UNC13C: variants seen among roughly 807,000 people sequenced by gnomAD.
The protein encoded by UNC13C is unc-13 homolog C, also known as protein unc-13 homolog C.
Under a neutral mutation model 245.4 loss-of-function variants are expected in UNC13C, and 174 were observed. That is an observed-to-expected ratio of 0.71 (90% CI 0.63 to 0.80). The LOEUF (loss-of-function observed/expected upper bound fraction) is 0.80. Ranked by LOEUF, UNC13C falls within the 30% of genes least tolerant of loss-of-function variation. The probability of loss-of-function intolerance (pLI) is 0.00; values close to 1 mark genes in which losing one functional copy is unlikely to be tolerated. For missense variants in UNC13C, 2,829 were observed against 2,602.9 expected (o/e 1.09, Z -1.89); for synonymous variants, 992 against 895.1 (o/e 1.11, Z -1.93).
chr15:53,926,130 TC>T, the UNC13C span, among the ~76,000 whole-genome samples: 334 of 152,208 alleles, frequency 2.2e-3, no homozygotes, highest in Non-Finnish European at 3.8e-3. Context: ...GTTTTTTTTT[TC>T]AATGGGGTTA....
At chr15:54,002,474 G>C (rs1219299264) in intron 1 of UNC13C, among the ~76,000 whole-genome samples, 3 of 151,998 alleles carry the variant, frequency 2.0e-5, no homozygotes, top group African/African-American at 7.3e-5. Flanking sequence ...AGACAGAGTA[G>C]ACCTTAGGAG....
At chr15:54,162,967 A>G (rs2033032217) in intron 4 of UNC13C, among the ~76,000 whole-genome samples, 3 of 152,176 alleles carry the variant, frequency 2.0e-5, no homozygotes, top group Non-Finnish European at 2.9e-5. Context: ...AACTGTAGAT[A>G]AAGTTGTGCC....
chr15:54,210,237 AATATATAT>A (rs5812750), intron 4 of UNC13C, among the ~76,000 whole-genome samples: 29 of 146,192 alleles, frequency 2.0e-4, no homozygotes, highest in African/African-American at 7.2e-4. Context: ...TAACTGCATT[AATATATAT>A]ATATATATAT....
intron 24 of UNC13C, among the ~76,000 whole-genome samples, chr15:54,524,898 G>T (rs1895378865): frequency 1.3e-5 from 2 of 152,106 alleles, no homozygotes; most frequent in Non-Finnish European, 2.9e-5. Context: ...ATTTCAGATT[G>T]CTATTTACGT....
the UNC13C span, among the ~76,000 whole-genome samples, chr15:53,944,708 G>A: frequency 6.6e-6 from 1 of 152,174 alleles, no homozygotes; most frequent in African/African-American, 2.4e-5. Context: ...TTGCTATCGT[G>A]AATAGTGCTG....
chr15:54,039,880 T>A (rs1453798558), intron 2 of UNC13C, among the ~76,000 whole-genome samples: 1 of 151,590 alleles, frequency 6.6e-6, no homozygotes, highest in Admixed American at 6.6e-5. Context: ...CTGCACTGGA[T>A]GCAATGGCCT....
At chr15:53,930,229 T>G in the UNC13C span, among the ~76,000 whole-genome samples, 1 of 152,272 alleles carries the variant, frequency 6.6e-6, no homozygotes. Context: ...GGCCTCTCTC[T>G]TCCTCATAGC....
At chr15:54,336,336 A>G (rs974229096) in intron 16 of UNC13C, among the ~76,000 whole-genome samples, 4 of 151,872 alleles carry the variant, frequency 2.6e-5, no homozygotes. Context: ...TCAAGAATAC[A>G]GTAGTCTCGA....
intron 30 of UNC13C, among the ~76,000 whole-genome samples, chr15:54,613,871 A>G (rs1900260082): frequency 6.6e-6 from 1 of 152,038 alleles, no homozygotes. Context: ...ATTTGTGACC[A>G]GGGCAAAGAT....
chr15:53,917,193 G>A, the UNC13C span, among the ~76,000 whole-genome samples: 1 of 152,180 alleles, frequency 6.6e-6, no homozygotes, highest in Non-Finnish European at 1.5e-5. Flanking sequence ...ACAGCAGGGA[G>A]TGACTTTTGT....
chr15:54,180,008 A>G (rs763622298), intron 4 of UNC13C, among the ~76,000 whole-genome samples: 1 of 152,012 alleles, frequency 6.6e-6, no homozygotes, highest in Non-Finnish European at 1.5e-5. Context: ...TAAAAACTAG[A>G]ATTTTATTGA....
intron 19 of UNC13C, among the ~76,000 whole-genome samples, chr15:54,430,424 G>T (rs1036429487): frequency 6.6e-6 from 1 of 151,560 alleles, no homozygotes; most frequent in African/African-American, 2.4e-5. Context: ...TGCTTCTTTC[G>T]TATTGAATTT....
intron 24 of UNC13C, among the ~76,000 whole-genome samples, chr15:54,521,985 A>G (rs549784179): frequency 6.6e-6 from 1 of 152,326 alleles, no homozygotes; most frequent in African/African-American, 2.4e-5. Flanking sequence ...ATAAGAGAGC[A>G]TTTAGAGAGA....
chr15:53,918,459 C>T, the UNC13C span, among the ~76,000 whole-genome samples: 123 of 152,262 alleles, frequency 8.1e-4, no homozygotes, highest in African/African-American at 2.7e-3. Flanking sequence ...ATTTAACCTT[C>T]AACCTTTCAT....
chr15:54,502,204 T>A (rs954896381), intron 22 of UNC13C, among the ~76,000 whole-genome samples: 1 of 152,096 alleles, frequency 6.6e-6, no homozygotes, highest in African/African-American at 2.4e-5. Flanking sequence ...CCTTGAGGGA[T>A]GTAGTCATGA....
intron 19 of UNC13C, among the ~76,000 whole-genome samples, chr15:54,445,168 G>C (rs1394714974): frequency 6.6e-6 from 1 of 152,028 alleles, no homozygotes; most frequent in African/African-American, 2.4e-5. Context: ...TGGCTGCATA[G>C]TATTCCACGG....
At chr15:54,124,980 G>T (rs7182696) in intron 2 of UNC13C, among the ~76,000 whole-genome samples, 88,085 of 151,950 alleles carry the variant, frequency 0.58, 25,871 homozygotes, top group South Asian at 0.65. Flanking sequence ...CTCTCTATTC[G>T]GTTTCATAAA....
At chr15:54,083,124 T>C (rs1899044491) in intron 2 of UNC13C, among the ~76,000 whole-genome samples, 1 of 152,052 alleles carries the variant, frequency 6.6e-6, no homozygotes, top group South Asian at 2.1e-4. Flanking sequence ...GGAGAGACTG[T>C]GTTGGGGTGT....
intron 2 of UNC13C, among the ~76,000 whole-genome samples, chr15:54,052,314 C>A (rs1897306410): frequency 7.0e-6 from 1 of 142,320 alleles, no homozygotes; most frequent in Non-Finnish European, 1.5e-5. Context: ...ATTTGTAGTT[C>A]TAGATCCCTG....
Sources: gnomAD v4.1 joint callset for allele counts (sites outside exome capture counted in the v4.1 genomes callset) on GRCh38, gnomAD v4.1.1 for gene constraint, MANE v1.5 for transcripts, NCBI Gene and HGNC (gene_info 2026-07-23, HGNC 2026-07-21) for gene names.